Variants in PCDH9 observed in about 807,000 individuals in gnomAD.
The protein encoded by PCDH9 is protocadherin 9.
PCDH9 carries 24 observed loss-of-function variants against 70.6 expected under a neutral mutation model. That is an observed-to-expected ratio of 0.34 (90% CI 0.25 to 0.48). PCDH9 has a LOEUF of 0.48. Ranked by LOEUF, PCDH9 falls within the 20% of genes least tolerant of loss-of-function variation. The probability of loss-of-function intolerance (pLI) is 0.99; values close to 1 mark genes in which losing one functional copy is unlikely to be tolerated. For missense variants in PCDH9, 1,281 were observed against 1,503.6 expected (o/e 0.85, Z 2.45); for synonymous variants, 562 against 558.5 (o/e 1.01, Z -0.09).
chr13:66,663,975 C>A (rs1012110843), intron 3 of PCDH9, among the ~76,000 whole-genome samples: 1 of 152,148 alleles, frequency 6.6e-6, no homozygotes, highest in Non-Finnish European at 1.5e-5. Flanking sequence ...CATCATGGAG[C>A]TTGGAGCAAG....
chr13:66,646,900 G>A (rs1238852393), intron 3 of PCDH9, among the ~76,000 whole-genome samples: 1 of 152,092 alleles, frequency 6.6e-6, no homozygotes, highest in Non-Finnish European at 1.5e-5. Context: ...CTTGAGGGAG[G>A]GAGAGCGCAG....
intron 3 of PCDH9, among the ~76,000 whole-genome samples, chr13:66,777,231 A>G (rs1018737256): frequency 3.3e-5 from 5 of 152,114 alleles, no homozygotes; most frequent in Non-Finnish European, 7.3e-5. Flanking sequence ...CAAGGACTTC[A>G]TGTCTAAAAC....
At chr13:66,623,939 C>T (rs998801789) in intron 4 of PCDH9, among the ~76,000 whole-genome samples, 7 of 152,250 alleles carry the variant, frequency 4.6e-5, no homozygotes, top group South Asian at 2.1e-4. Context: ...AGTTCATCAA[C>T]TGATTAGTAA....
intron 3 of PCDH9, among the ~76,000 whole-genome samples, chr13:66,639,651 C>T (rs1385680502): frequency 6.6e-6 from 1 of 152,174 alleles, no homozygotes; most frequent in Admixed American, 6.5e-5. Flanking sequence ...CTCTCCTTCA[C>T]ATCTTTTTCT....
chr13:66,407,684 C>T (rs536282479), intron 4 of PCDH9, among the ~76,000 whole-genome samples: 1 of 152,260 alleles, frequency 6.6e-6, no homozygotes, highest in Non-Finnish European at 1.5e-5. Flanking sequence ...TCTACAATTA[C>T]CACTAATTTT....
chr13:67,196,064 A>G (rs1022836990), intron 2 of PCDH9, among the ~76,000 whole-genome samples: 1 of 152,188 alleles, frequency 6.6e-6, no homozygotes, highest in African/African-American at 2.4e-5. Context: ...TTAATCGGTG[A>G]TAGTTTGTTG....
intron 4 of PCDH9, among the ~76,000 whole-genome samples, chr13:66,450,735 G>A (rs930906246): frequency 5.3e-5 from 8 of 152,156 alleles, no homozygotes; most frequent in African/African-American, 1.9e-4. Context: ...ATTCACTCAG[G>A]CCGGGCACGG....
At chr13:66,380,842 A>G (rs1956836175) in intron 4 of PCDH9, among the ~76,000 whole-genome samples, 1 of 152,142 alleles carries the variant, frequency 6.6e-6, no homozygotes, top group Non-Finnish European at 1.5e-5. Flanking sequence ...CGCGCCAGCC[A>G]GATCTTGGTT....
At chr13:66,396,320 A>G (rs1210608039) in intron 4 of PCDH9, among the ~76,000 whole-genome samples, 1 of 152,184 alleles carries the variant, frequency 6.6e-6, no homozygotes, top group Non-Finnish European at 1.5e-5. Flanking sequence ...TAAAACGTAA[A>G]TTGCTCAAAG....
chr13:66,406,532 A>G (rs937166343), intron 4 of PCDH9, among the ~76,000 whole-genome samples: 5 of 152,186 alleles, frequency 3.3e-5, no homozygotes, highest in Non-Finnish European at 5.9e-5. Context: ...CAAAAAAGTG[A>G]TTATGATCTG....
chr13:67,011,469 GAT>G (rs2139841399), intron 2 of PCDH9, among the ~76,000 whole-genome samples: 1 of 151,850 alleles, frequency 6.6e-6, no homozygotes, highest in South Asian at 2.1e-4. Context: ...CTTTTCATTA[GAT>G]ATCTGTTAAA....
chr13:66,497,307 C>T (rs1002873133), intron 4 of PCDH9, among the ~76,000 whole-genome samples: 1 of 151,968 alleles, frequency 6.6e-6, no homozygotes, highest in Non-Finnish European at 1.5e-5. Flanking sequence ...CTTCTGAGCT[C>T]AAGCAATCTG....
intron 4 of PCDH9, among the ~76,000 whole-genome samples, chr13:66,351,996 C>A (rs1956300205): frequency 6.6e-6 from 1 of 152,046 alleles, no homozygotes; most frequent in Admixed American, 6.6e-5. Context: ...CCACCACGCC[C>A]AGCTGATTTT....
Position 66,564,339 on chromosome 13 carries a change from A to AT in PCDH9, c.3340+66870dup, listed in dbSNP as rs1258684870. Among the ~76,000 whole-genome samples, 5 of 115,906 alleles carry AT rather than the reference A, an allele frequency of 4.3e-5. No individual in the cohort carries two copies. The East Asian group carries it at 1.6e-3, about 37-fold the overall frequency. 76.0% of individuals were successfully genotyped at this position (115,906 alleles called of 152,430 possible). On this transcript the variant is annotated intron_variant, in intron 4 of 4. Coordinates refer to ENST00000377865, the MANE Select transcript of PCDH9 (RefSeq NM_203487.3). ...GCCACTATGCACAGCTGATTTTTAG[A>AT]TTTTTTTATAGAGATGAGGTCTTAC...
intron 3 of PCDH9, among the ~76,000 whole-genome samples, chr13:66,781,719 T>A (rs982352191): frequency 6.6e-6 from 1 of 152,154 alleles, no homozygotes; most frequent in East Asian, 1.9e-4. Context: ...TTTTAAAAGG[T>A]ATTTTTGAGA....
intron 4 of PCDH9, among the ~76,000 whole-genome samples, chr13:66,463,651 A>C (rs1052112740): frequency 1.3e-5 from 2 of 151,744 alleles, no homozygotes; most frequent in African/African-American, 4.8e-5. Context: ...TTTTTTGTGG[A>C]CCACACTTTG....
chr13:66,441,006 T>A (rs973726832), intron 4 of PCDH9, among the ~76,000 whole-genome samples: 2 of 152,314 alleles, frequency 1.3e-5, no homozygotes, highest in Non-Finnish European at 2.9e-5. Context: ...TCATTCACCA[T>A]GATCGTTCTG....
intron 2 of PCDH9, among the ~76,000 whole-genome samples, chr13:66,904,485 A>C (rs1463427437): frequency 6.6e-6 from 1 of 152,000 alleles, no homozygotes; most frequent in Non-Finnish European, 1.5e-5. Context: ...TAAGGTTTCT[A>C]CTTTGATAAA....
At chr13:66,867,805 T>A (rs561523620) in intron 3 of PCDH9, among the ~76,000 whole-genome samples, 1 of 152,056 alleles carries the variant, frequency 6.6e-6, no homozygotes, top group African/African-American at 2.4e-5. Flanking sequence ...ACAAGTGTTA[T>A]GAACTTTTTG....
Sources: allele counts gnomAD v4.1 joint callset (sites outside exome capture counted in the v4.1 genomes callset), GRCh38; gene constraint gnomAD v4.1.1; transcripts MANE v1.5; gene names NCBI Gene and HGNC (gene_info 2026-07-23, HGNC 2026-07-21).